The following HELLS variants were observed in gnomAD, a reference collection of about 807,000 sequenced individuals.
HELLS encodes lymphoid-specific helicase.
HELLS carries 32 observed loss-of-function variants against 120.0 expected under a neutral mutation model. The observed-to-expected ratio is 0.27, with a 90% CI of 0.20 to 0.36. The LOEUF (loss-of-function observed/expected upper bound fraction) is 0.36, where lower values mean the gene tolerates loss of function less well. HELLS is among the 10% of genes least tolerant of loss of function. The pLI is 1.00. For synonymous variants in HELLS, 341 were observed against 323.4 expected (o/e 1.05, Z -0.58); for missense variants, 650 against 993.4 (o/e 0.65, Z 4.65).
At chr10:94,560,888 T>A (rs1015526963) in intron 4 of HELLS, among the ~76,000 whole-genome samples, 1 of 151,772 alleles carries the variant, frequency 6.6e-6, no homozygotes, top group African/African-American at 2.4e-5. Flanking sequence ...AAACCCAGTC[T>A]CTACTAAAAA....
chr10:94,611,508 AT>A (rs1846193796), exon 10 of HELLS: 1 of 152,168 alleles, frequency 6.6e-6, no homozygotes, highest in African/African-American at 2.4e-5. Flanking sequence ...AAGAGCCAAA[AT>A]TCAAACCATA....
chr10:94,587,676 C>T (rs1183549725), intron 12 of HELLS, among the ~76,000 whole-genome samples: 2 of 152,252 alleles, frequency 1.3e-5, no homozygotes, highest in Non-Finnish European at 2.9e-5. Context: ...ATTCACCCGT[C>T]TTGGCCTCCC....
chr10:94,605,086 T>TC (rs1393665439), downstream of HELLS, among the ~76,000 whole-genome samples: 1 of 58,924 alleles, frequency 1.7e-5, no homozygotes, highest in Non-Finnish European at 3.4e-5. Context: ...CCCCCCCCCC[T>TC]TTTTTTTTCC....
At chr10:94,588,522 C>A in intron 13 of HELLS, 132 bp downstream of exon 13, 2 of 532,222 alleles carry the variant, frequency 3.8e-6, no homozygotes, top group Non-Finnish European at 6.3e-6. Context: ...CTGCTCACTG[C>A]AGCCTTTACC....
chr10:94,604,911 A>ACCT (rs1215928293), downstream of HELLS, among the ~76,000 whole-genome samples: 2 of 150,512 alleles, frequency 1.3e-5, no homozygotes, highest in Non-Finnish European at 3.0e-5. Context: ...TCAGTAATAA[A>ACCT]CCTCCCCCTC....
At chr10:94,561,800 C>T (rs1843566103) in intron 4 of HELLS, among the ~76,000 whole-genome samples, 1 of 151,906 alleles carries the variant, frequency 6.6e-6, no homozygotes, top group African/African-American at 2.4e-5. Flanking sequence ...TTTCTCTTAC[C>T]TTCCTCACTA....
chr10:94,606,440 T>C (rs1350067763), downstream of HELLS, among the ~76,000 whole-genome samples: 3 of 151,940 alleles, frequency 2.0e-5, no homozygotes, highest in Non-Finnish European at 4.4e-5. Flanking sequence ...ATTTCTGGGC[T>C]CAAGCCATCT....
intron 6 of HELLS, among the ~76,000 whole-genome samples, chr10:94,567,911 T>TG (rs1427681288): frequency 4.1e-5 from 6 of 146,720 alleles, no homozygotes; most frequent in East Asian, 4.0e-4. Flanking sequence ...CCTGGTTTTT[T>TG]TTTTTTTTTT....
intron 6 of HELLS, chr10:94,569,793 G>A (rs12774901): frequency 0.2 from 30,742 of 152,054 alleles, 3,268 homozygotes; most frequent in South Asian, 0.34. Flanking sequence ...ATCAGGATCC[G>A]AAAAAGTTAC....
At chr10:94,576,304 C>A (rs1417583051) in intron 9 of HELLS, among the ~76,000 whole-genome samples, 1 of 152,052 alleles carries the variant, frequency 6.6e-6, no homozygotes, top group Non-Finnish European at 1.5e-5. Flanking sequence ...GGGTGCGTAC[C>A]ACCACACCAG....
chr10:94,551,664 G>T (rs1842983958), intron 2 of HELLS, among the ~76,000 whole-genome samples: 1 of 152,076 alleles, frequency 6.6e-6, no homozygotes, highest in African/African-American at 2.4e-5. Flanking sequence ...TAGAGATATT[G>T]ATAAGCTGGA....
chr10:94,557,238 C>A, intron 3 of HELLS: 1 of 348,626 alleles, frequency 2.9e-6, no homozygotes, highest in Non-Finnish European at 5.8e-6. Flanking sequence ...TCCCGGTGTC[C>A]CCATCACCCA....
At chr10:94,580,137 A>G (rs1478260800) in intron 10 of HELLS, among the ~76,000 whole-genome samples, 823 of 44,210 alleles carry the variant, frequency 0.019, 37 homozygotes, top group African/African-American at 0.098. Context: ...ATATATATAT[A>G]TATATATATA....
exon 10 of HELLS, chr10:94,611,287 A>T (rs1219842818): frequency 6.6e-6 from 1 of 152,190 alleles, no homozygotes; most frequent in Non-Finnish European, 1.5e-5. Flanking sequence ...GCACAAAAGG[A>T]CATTTATTAA....
downstream of HELLS, among the ~76,000 whole-genome samples, chr10:94,602,878 C>G (rs991899945): frequency 6.6e-6 from 1 of 152,134 alleles, no homozygotes; most frequent in Non-Finnish European, 1.5e-5. Flanking sequence ...CCTAGGCTTG[C>G]TTGAAACTCG....
chr10:94,569,108 G>C (rs1289749367), intron 6 of HELLS: 2 of 151,954 alleles, frequency 1.3e-5, no homozygotes, highest in African/African-American at 4.8e-5. Context: ...CCAAAGTGCT[G>C]GGATTAGAGG....
intron 9 of HELLS, among the ~76,000 whole-genome samples, chr10:94,608,930 C>G (rs1390817739): frequency 2.6e-5 from 4 of 151,924 alleles, no homozygotes. Context: ...GCTACCGCAC[C>G]CAGCCCACAA....
intron 18 of HELLS, among the ~76,000 whole-genome samples, chr10:94,594,189 A>T (rs1048456603): frequency 3.1e-4 from 47 of 151,036 alleles, no homozygotes; most frequent in Non-Finnish European, 5.9e-4. Context: ...AAAATTGAAA[A>T]TTTTTTTTTA....
At chr10:94,554,349 GT>G (rs1229857146) in intron 3 of HELLS, 101 bp downstream of exon 3, 10 of 806,772 alleles carry the variant, frequency 1.2e-5, no homozygotes, top group South Asian at 2.7e-5. Flanking sequence ...GATTTTAAGT[GT>G]ACGGTTTGCT....
Sources: gnomAD v4.1 joint callset for allele counts (sites outside exome capture counted in the v4.1 genomes callset) on GRCh38, gnomAD v4.1.1 for gene constraint, MANE v1.5 for transcripts, NCBI Gene and HGNC (gene_info 2026-07-23, HGNC 2026-07-21) for gene names.